Variants in TP53BP1 observed in about 807,000 individuals in gnomAD.
TP53BP1 encodes the protein tumor protein p53 binding protein 1.
TP53BP1 carries 61 observed loss-of-function variants against 200.8 expected under a neutral mutation model. That is an observed-to-expected ratio of 0.30 (90% CI 0.25 to 0.38). TP53BP1 has a LOEUF of 0.38. Ranked by LOEUF, TP53BP1 falls within the 10% of genes least tolerant of loss-of-function variation. TP53BP1 has a pLI of 1.00. For synonymous variants in TP53BP1, 822 were observed against 844.3 expected (o/e 0.97, Z 0.46); for missense variants, 2,144 against 2,371.9 (o/e 0.90, Z 2.00).
intron 17 of TP53BP1, among the ~76,000 whole-genome samples, chr15:43,431,914 C>T (rs2045679522): frequency 6.6e-6 from 1 of 152,154 alleles, no homozygotes; most frequent in African/African-American, 2.4e-5. Flanking sequence ...AAGAGTATTA[C>T]AGGACCCAGG....
chr15:43,452,688 T>C (rs777535493), intron 12 of TP53BP1, among the ~76,000 whole-genome samples: 5 of 152,232 alleles, frequency 3.3e-5, no homozygotes, highest in Non-Finnish European at 4.4e-5. Context: ...TTCATTACTT[T>C]TTGTTGTTTG....
In TP53BP1 at chr15:43,456,197, T is replaced by A; in HGVS notation, c.2411A>T (p.Glu804Val). The change falls in exon 12 of 28, where the codon GAG becomes GTG. Residue 804 changes from glutamate (E) to valine (V), a missense_variant. This residue lies in a region of TP53BP1 where 1,700 missense variants were observed against 1,710.3 expected (regional missense o/e 0.99). Transcript: ENST00000382044. ...DIAPEIEPCA[E>V]NRLDTKEEKS... ...TTCTTCCTTGGTGTCTAATCTATTCTCAGCACATGGTTCTATTTCTGGAGC... is the reference window on the plus strand; with the variant it reads ...TTCTTCCTTGGTGTCTAATCTATTCACAGCACATGGTTCTATTTCTGGAGC... The A allele has an allele frequency of 6.2e-7, 1 of 1,614,202 alleles. No homozygotes were observed. The highest frequency in any genetic ancestry group is 8.5e-7 in the Non-Finnish European group (1 of 1,180,042).
intron 11 of TP53BP1, among the ~76,000 whole-genome samples, chr15:43,466,799 G>A (rs1024236169): frequency 3.9e-5 from 6 of 152,210 alleles, no homozygotes; most frequent in Admixed American, 2.6e-4. Flanking sequence ...CGAGGTTACA[G>A]TGAGCTATGA....
At chr15:43,485,614 G>A (rs1387455858) in intron 4 of TP53BP1, among the ~76,000 whole-genome samples, 1 of 146,000 alleles carries the variant, frequency 6.8e-6, no homozygotes, top group Non-Finnish European at 1.5e-5. Flanking sequence ...AGGCCGAGAT[G>A]GGCAGATCAC....
chr15:43,409,187 G>A (rs1361096114), intron 25 of TP53BP1, 91 bp from the exon 26 acceptor site: 1 of 1,223,990 alleles, frequency 8.2e-7, no homozygotes, highest in Non-Finnish European at 1.2e-6. Flanking sequence ...GAGCAGATCT[G>A]AAGACTCCCA....
At chr15:43,492,912 C>CA in intron 1 of TP53BP1, 125 bp downstream of exon 1, 1 of 1,230,636 alleles carries the variant, frequency 8.1e-7, no homozygotes, top group Non-Finnish European at 1.2e-6. Flanking sequence ...CCTTAGGGCC[C>CA]TCCAACCCCT....
In TP53BP1 at chr15:43,455,875, T is replaced by C. The variant is rs2046280983; in HGVS notation, c.2716+17A>G. ...ATAATTTAGGTGGAGACAAGAATAA[T>C]CTACAATCACACTCACCACTAGAAC... On this transcript the variant is annotated intron_variant, in intron 12 of 27. Transcript: ENST00000382044. 2 of 1,610,184 alleles carry C rather than the reference T, an allele frequency of 1.2e-6. No individual in the cohort carries two copies. Among genetic ancestry groups the C allele is most frequent in the East Asian group, 4.5e-5 (2 of 44,882 alleles).
chr15:43,407,123 T>TGA lies in TP53BP1; in HGVS notation c.*258_*259dup. The TGA allele has an allele frequency of 2.6e-6, 1 of 391,186 alleles. No individual in the cohort carries two copies. The highest frequency in any genetic ancestry group is 4.7e-6 in the Non-Finnish European group (1 of 214,386). 24.2% of individuals were successfully genotyped at this position (391,186 alleles called of 1,614,324 possible). A position where few individuals can be genotyped will look rare whatever the true frequency, so the allele number is the denominator to read the frequency against. On this transcript the variant is annotated 3_prime_UTR_variant, in exon 28 of 28. Transcript: ENST00000382044. ...TCCTTGGCCAGCTGTCCTCCGTAAG[T>TGA]GAATAAGCCTGTTGAAAGACTCAGA...
At chr15:43,487,666 G>A (rs1242757318) in intron 4 of TP53BP1, among the ~76,000 whole-genome samples, 8 of 151,952 alleles carry the variant, frequency 5.3e-5, no homozygotes, top group Non-Finnish European at 7.4e-5. Context: ...GATGGTGCAC[G>A]GCTGTAGTCC....
Position 43,446,743 on chromosome 15 carries a change from C to T in TP53BP1, c.2837-153G>A, listed in dbSNP as rs1040620061. ...GATAGATCCCTGTCATAAGTATCAA[C>T]AACTACGAACTAGTATTGACACCTG... On this transcript the variant is annotated intron_variant, in intron 13 of 27. Transcript: ENST00000382044. 16 of 1,507,030 alleles carry T rather than the reference C, an allele frequency of 1.1e-5. No individual in the cohort carries two copies. The African/African-American group carries it at 2.2e-4, about 21-fold the overall frequency. 93.4% of individuals were successfully genotyped at this position (1,507,030 alleles called of 1,614,324 possible).
At position 43,499,616 on chromosome 15, in the gene TP53BP1, G is replaced by A. The variant is rs1595635934; in HGVS notation, c.-8-7148C>T. Among the ~76,000 whole-genome samples the A allele has an allele frequency of 3.3e-5, 5 of 152,182 alleles. 1 individual carries two copies. The South Asian group carries it at 1.0e-3, about 32-fold the overall frequency. Reference sequence around the variant, plus strand: ...GAGCTAGTGTGCTAACTAACAAGTGGCAAGAATAGCAGTAATGCATCTTGG... The same window carrying A: ...GAGCTAGTGTGCTAACTAACAAGTGACAAGAATAGCAGTAATGCATCTTGG... On this transcript the variant is annotated intron_variant, in intron 1 of 27. Coordinates refer to the TP53BP1 transcript ENST00000263801.
Position 43,420,264 on chromosome 15 carries a change from A to C in TP53BP1, c.4681+41T>G, listed in dbSNP as rs558843228. 4.9e-5 allele frequency: 77 copies of C among 1,578,076 alleles called. 2 individuals carry two copies. The South Asian group carries it at 8.2e-4, about 17-fold the overall frequency. Reference sequence around the variant, plus strand: ...AACATAACAGAGTATTATTGCCCCAAGGCACAAAAAAATCTCTACAAACTC... The same window carrying C: ...AACATAACAGAGTATTATTGCCCCACGGCACAAAAAAATCTCTACAAACTC... On this transcript the variant is annotated intron_variant, in intron 21 of 27. Coordinates refer to ENST00000382044, the MANE Select transcript of TP53BP1 (RefSeq NM_001141980.3).
rs1470277155 is a variant in TP53BP1, at chr15:43,408,031, C to T, written c.5658G>A (p.Gln1886=). The change falls in exon 27 of 28, where the codon CAG becomes CAA. Residue 1886 remains glutamine (Q), a synonymous_variant. Coordinates refer to ENST00000382044, the MANE Select transcript of TP53BP1 (RefSeq NM_001141980.3). The stretch of plus-strand genomic sequence containing the variant: ...CAGACCAGAGCTCCAGGAAGTTCTG[C>T]TGTTGGTCTGATACCAAGAGTACCT... ...NLKVLLVSDQ[Q]QNFLELWSEI... 6.2e-7 allele frequency: 1 copy of T among 1,614,000 alleles called. No homozygotes were observed. The highest frequency in any genetic ancestry group is 8.5e-7 in the Non-Finnish European group (1 of 1,180,000).
Position 43,427,888 on chromosome 15 carries a change from C to T in TP53BP1, c.3828+128G>A, listed in dbSNP as rs931680824. The T allele has an allele frequency of 2.8e-5, 18 of 648,758 alleles. No homozygotes were observed. In the African/African-American group the frequency reaches 2.8e-4, roughly 10 times the overall value. The allele number at this position is 648,758 out of a possible 1,614,324, so 40.2% of individuals were successfully genotyped here. On this transcript the variant is annotated intron_variant, in intron 18 of 27. Transcript: ENST00000382044. The stretch of plus-strand genomic sequence containing the variant: ...AGAAGGATCACTTGAGCCTGGGAGG[C>T]AGAGGCTGCAGTGAAACAAAATCAC...
intron 21 of TP53BP1, among the ~76,000 whole-genome samples, chr15:43,419,893 GAA>G (rs1297006216): frequency 6.6e-6 from 1 of 152,108 alleles, no homozygotes; most frequent in Non-Finnish European, 1.5e-5. Context: ...TGCTGGAAGA[GAA>G]AAAGGACATG....
intron 8 of TP53BP1, 58 bp downstream of exon 8, chr15:43,477,535 C>A: frequency 6.7e-7 from 1 of 1,484,654 alleles, no homozygotes; most frequent in Admixed American, 2.3e-5. Context: ...AGCCTCAGAA[C>A]TAAAGTAAAA....
Position 43,474,689 on chromosome 15 carries a change from C to T in TP53BP1, c.1164G>A (p.Glu388=), listed in dbSNP as rs2046813336. Residue 388 remains glutamate, a synonymous_variant, in exon 10 of 28, where the codon GAG becomes GAA. Coordinates refer to ENST00000382044, the MANE Select transcript of TP53BP1 (RefSeq NM_001141980.3). Reference sequence around the variant, plus strand: ...AGAGCTCACCTTGTCTCCCTTCTTGCTCTGTGGGACTGCTAGGAACGATAA... The same window carrying T: ...AGAGCTCACCTTGTCTCCCTTCTTGTTCTGTGGGACTGCTAGGAACGATAA... ...TPFIVPSSPT[E]QEGRQDKPMD... 2 of 1,611,396 alleles carry T rather than the reference C, an allele frequency of 1.2e-6. No individual in the cohort carries two copies. The highest frequency in any genetic ancestry group is 1.7e-6 in the Non-Finnish European group (2 of 1,177,640).
upstream of TP53BP1, among the ~76,000 whole-genome samples, chr15:43,496,069 T>C (rs2079181208): frequency 6.6e-6 from 1 of 152,210 alleles, no homozygotes; most frequent in South Asian, 2.1e-4. Flanking sequence ...ACAGCACATC[T>C]ACCTGTCTAC....
intron 18 of TP53BP1, among the ~76,000 whole-genome samples, chr15:43,426,367 G>A (rs1271909207): frequency 7.0e-6 from 1 of 143,534 alleles, no homozygotes; most frequent in African/African-American, 2.7e-5. Flanking sequence ...TTGAACCCAG[G>A]AGACAGAGGC....
Sources: gnomAD v4.1 joint callset for allele counts (sites outside exome capture counted in the v4.1 genomes callset) on GRCh38, gnomAD v4.1.1 for gene constraint, gnomAD v4.1.1 regional missense constraint, MANE v1.5 for transcripts, NCBI Gene and HGNC (gene_info 2026-07-23, HGNC 2026-07-21) for gene names.